The following PRELID2 variants were observed in gnomAD, a reference collection of about 807,000 sequenced individuals.
The protein encoded by PRELID2 is PRELI domain containing 2, also known as PRELI domain-containing protein 2.
Under a neutral mutation model 28.4 loss-of-function variants are expected in PRELID2, and 25 were observed. That is an observed-to-expected ratio of 0.88 (90% CI 0.64 to 1.23). The LOEUF is 1.23. PRELID2 is among the 50% of genes most tolerant of loss of function. The probability of loss-of-function intolerance (pLI) is 0.00; values close to 1 mark genes in which losing one functional copy is unlikely to be tolerated. For synonymous variants in PRELID2, 76 were observed against 71.6 expected (o/e 1.06, Z -0.31); for missense variants, 201 against 214.4 (o/e 0.94, Z 0.39).
chr5:145,279,670 G>C, the PRELID2 span, among the ~76,000 whole-genome samples: 3 of 152,142 alleles, frequency 2.0e-5, no homozygotes, highest in Non-Finnish European at 4.4e-5. Flanking sequence ...ACACAGAGTT[G>C]CCAATTTTTA....
chr5:145,785,507 A>G (rs4304121), intron 5 of PRELID2, among the ~76,000 whole-genome samples: 135,293 of 152,262 alleles, frequency 0.89, 60,186 homozygotes, highest in East Asian at 0.96. Context: ...TATACACTAG[A>G]TACAGCTAGA....
chr5:145,417,480 C>T, the PRELID2 span, among the ~76,000 whole-genome samples: 2 of 151,912 alleles, frequency 1.3e-5, no homozygotes, highest in Admixed American at 6.6e-5. Context: ...CTTGATGAAC[C>T]TCAATGCAAA....
chr5:145,379,970 G>A, the PRELID2 span, among the ~76,000 whole-genome samples: 1 of 152,136 alleles, frequency 6.6e-6, no homozygotes, highest in Non-Finnish European at 1.5e-5. Context: ...CAGAGTTCAG[G>A]TCCAACAGTT....
At chr5:145,594,387 A>T (rs1753273496) in intron 1 of PRELID2, among the ~76,000 whole-genome samples, 1 of 152,160 alleles carries the variant, frequency 6.6e-6, no homozygotes, top group African/African-American at 2.4e-5. Context: ...CACATTAATA[A>T]TAAATAACAT....
the PRELID2 span, among the ~76,000 whole-genome samples, chr5:145,393,428 G>C: frequency 6.6e-6 from 1 of 152,186 alleles, no homozygotes; most frequent in South Asian, 2.1e-4. Context: ...ATTTAGCAGA[G>C]TTTAATTGAG....
chr5:145,617,745 T>A (rs1275079473), intron 1 of PRELID2, among the ~76,000 whole-genome samples: 1 of 149,092 alleles, frequency 6.7e-6, no homozygotes, highest in East Asian at 1.9e-4. Flanking sequence ...TTTTTTTTTT[T>A]AAATTGAGAC....
rs183359494 is a variant in PRELID2 at position 145,561,334 on chromosome 5, G to T, written n.71-88019C>A. Reference sequence around the variant, plus strand: ...TTCCTTTTTTTTCTTTTCTGTATTGGTGCATGCCATCTTGGTTCAAGTGAG... The same window carrying T: ...TTCCTTTTTTTTCTTTTCTGTATTGTTGCATGCCATCTTGGTTCAAGTGAG... On this transcript the variant is annotated intron_variant and non_coding_transcript_variant, in intron 1 of 2. Coordinates refer to the PRELID2 transcript ENST00000510259. Among the ~76,000 whole-genome samples, 3 of 151,942 alleles carry T rather than the reference G, an allele frequency of 2.0e-5. No individual in the cohort carries two copies. In the East Asian group the frequency reaches 5.8e-4, roughly 29 times the overall value.
rs898247549 is a variant in PRELID2 at position 145,764,657 on chromosome 5, A to G, written c.*10+274T>C. On this transcript the variant is annotated intron_variant, in intron 6 of 6. Transcript: ENST00000683046. ...GCTGCAGTCTTTACAAATCTATAACACCTTGAGGCTCTCAATCATGGTAGA... is the reference window on the plus strand; with the variant it reads ...GCTGCAGTCTTTACAAATCTATAACGCCTTGAGGCTCTCAATCATGGTAGA... 2.6e-5 allele frequency among the ~76,000 whole-genome samples: 4 copies of G among 152,162 alleles called. 1 individual carries two copies. The highest frequency in any genetic ancestry group is 7.2e-5 in the African/African-American group (3 of 41,450).
At chr5:145,242,154 ATG>A in the PRELID2 span, among the ~76,000 whole-genome samples, 1 of 152,000 alleles carries the variant, frequency 6.6e-6, no homozygotes, top group Non-Finnish European at 1.5e-5. Flanking sequence ...ATGATTTTAT[ATG>A]TGTGTGTGAA....
downstream of PRELID2, among the ~76,000 whole-genome samples, chr5:145,469,350 C>T (rs537950936): frequency 4.5e-4 from 69 of 152,062 alleles, no homozygotes; most frequent in African/African-American, 1.5e-3. Flanking sequence ...CAATTTGAGG[C>T]GTGTCAAAAG....
chr5:145,448,159 C>T, the PRELID2 span, among the ~76,000 whole-genome samples: 4 of 151,838 alleles, frequency 2.6e-5, no homozygotes, highest in East Asian at 5.9e-4. Context: ...TTAATGATTG[C>T]CATTCTAACT....
At chr5:145,377,467 TA>T in the PRELID2 span, among the ~76,000 whole-genome samples, 4,891 of 152,270 alleles carry the variant, frequency 0.032, 272 homozygotes, top group African/African-American at 0.11. Context: ...AGTGGGGAAT[TA>T]AAGTCTCTCA....
At chr5:145,525,080 C>T (rs539014559) in intron 1 of PRELID2, among the ~76,000 whole-genome samples, 1 of 152,260 alleles carries the variant, frequency 6.6e-6, no homozygotes, top group African/African-American at 2.4e-5. Context: ...TATTCTATGC[C>T]ATTGGGCTGT....
At chr5:145,421,100 A>T in the PRELID2 span, among the ~76,000 whole-genome samples, 2 of 151,664 alleles carry the variant, frequency 1.3e-5, no homozygotes. Flanking sequence ...ATCATGGGGG[A>T]TAAGCTTTTT....
chr5:145,724,602 T>TAAATAAATAA lies in PRELID2; in HGVS notation n.70+40328_70+40329insTTATTTATTT, dbSNP rs1456879116. ...ACTGAAATAACAAGAAGTAAATAAA[T>TAAATAAATAA]ATATATATATATATATATATATATA... is the stretch of plus-strand genomic sequence containing the variant. On this transcript the variant is annotated intron_variant and non_coding_transcript_variant, in intron 1 of 2. Transcript: ENST00000510259. 4.3e-4 allele frequency among the ~76,000 whole-genome samples: 12 copies of TAAATAAATAA among 27,780 alleles called. No individual in the cohort carries two copies. The African/African-American group carries it at 4.3e-3, about 10-fold the overall frequency. 18.2% of individuals were successfully genotyped at this position (27,780 alleles called of 152,430 possible). A position where few individuals can be genotyped will look rare whatever the true frequency, so the allele number is the denominator to read the frequency against.
chr5:145,697,431 C>T (rs1346878748), intron 1 of PRELID2, among the ~76,000 whole-genome samples: 1 of 151,986 alleles, frequency 6.6e-6, no homozygotes, highest in Non-Finnish European at 1.5e-5. Context: ...CTATGTGTAC[C>T]AGCAGGGGTC....
the PRELID2 span, among the ~76,000 whole-genome samples, chr5:145,451,874 A>C: frequency 3.9e-5 from 6 of 152,194 alleles, no homozygotes; most frequent in Non-Finnish European, 5.9e-5. Context: ...AGCCTGAATT[A>C]TGTGGGGTAG....
chr5:145,423,540 C>T, the PRELID2 span, among the ~76,000 whole-genome samples: 1 of 149,194 alleles, frequency 6.7e-6, no homozygotes, highest in African/African-American at 2.5e-5. Flanking sequence ...GCTCCTGAGG[C>T]TTCTGCATTC....
At chr5:145,367,143 C>T in the PRELID2 span, among the ~76,000 whole-genome samples, 1 of 132,516 alleles carries the variant, frequency 7.5e-6, no homozygotes, top group African/African-American at 4.2e-5. Flanking sequence ...ATTCTTTTCT[C>T]TCATCTCATC....
Sources: allele counts gnomAD v4.1 joint callset (sites outside exome capture counted in the v4.1 genomes callset), GRCh38; gene constraint gnomAD v4.1.1; transcripts MANE v1.5; gene names NCBI Gene and HGNC (gene_info 2026-07-23, HGNC 2026-07-21).